The following CD5 variants were observed in gnomAD, a reference collection of about 807,000 sequenced individuals.
The protein encoded by CD5 is CD5 molecule.
In CD5, 36 loss-of-function variants were observed where a neutral mutation model predicts 60.3. The observed-to-expected ratio is 0.60, with a 90% CI of 0.46 to 0.79. The LOEUF (loss-of-function observed/expected upper bound fraction) is 0.79. Among genes scored for constraint, CD5 ranks in the 30% least tolerant of loss-of-function variants. The pLI, the probability that CD5 is intolerant of heterozygous loss-of-function variation, is 0.00. For missense variants in CD5, 540 were observed against 630.6 expected (o/e 0.86, Z 1.54); for synonymous variants, 230 against 257.6 (o/e 0.89, Z 1.03).
chr11:61,095,368 G>A, the CD5 span, among the ~76,000 whole-genome samples: 23 of 152,292 alleles, frequency 1.5e-4, no homozygotes, highest in African/African-American at 4.1e-4. Context: ...GTGGAAAGGC[G>A]TGCCTTTGTG....
the CD5 span, among the ~76,000 whole-genome samples, chr11:61,095,475 A>G: frequency 2.0e-5 from 3 of 152,320 alleles, no homozygotes; most frequent in East Asian, 5.8e-4. Flanking sequence ...GCTCCAAACT[A>G]TTATACAGAC....
At chr11:61,117,029 T>C (rs1159319936) in intron 2 of CD5, among the ~76,000 whole-genome samples, 1 of 152,186 alleles carries the variant, frequency 6.6e-6, no homozygotes. Context: ...CACAAAGACC[T>C]GTATGTGAAT....
At position 61,123,136 on chromosome 11, in the gene CD5, C is replaced by T. The variant is rs11230602; in HGVS notation, c.1225+104C>T. The T allele has an allele frequency of 0.012, 15,380 of 1,315,652 alleles. 1,419 individuals are homozygous for T. In the African/African-American group the frequency reaches 0.2, roughly 17 times the overall value. The allele number at this position is 1,315,652 out of a possible 1,614,324, so 81.5% of individuals were successfully genotyped here. ...GGTCATGCCTCCAGAGAGCTGGGCACGCAGGACACCTCTGCTTCACCACCC... is the reference window on the plus strand; with the variant it reads ...GGTCATGCCTCCAGAGAGCTGGGCATGCAGGACACCTCTGCTTCACCACCC... On this transcript the variant is annotated intron_variant, in intron 7 of 10. Coordinates refer to ENST00000347785, the MANE Select transcript of CD5 (RefSeq NM_014207.4).
At chr11:61,108,387 G>A (rs574669179) in intron 1 of CD5, among the ~76,000 whole-genome samples, 6 of 152,270 alleles carry the variant, frequency 3.9e-5, no homozygotes, top group East Asian at 1.9e-4. Flanking sequence ...TCCTTCCTGC[G>A]GGCTCCATTC....
intron 1 of CD5, 60 bp from the exon 2 acceptor site, chr11:61,114,996 T>C: frequency 8.6e-6 from 13 of 1,507,204 alleles, no homozygotes; most frequent in African/African-American, 1.4e-5. Flanking sequence ...GTGGGTGAGC[T>C]GGGGAGAAGG....
At chr11:61,095,481 C>A in the CD5 span, among the ~76,000 whole-genome samples, 1 of 152,216 alleles carries the variant, frequency 6.6e-6, no homozygotes, top group Non-Finnish European at 1.5e-5. Flanking sequence ...AACTATTATA[C>A]AGACTCATAA....
chr11:61,100,647 T>TCA (rs1860660266), upstream of CD5, among the ~76,000 whole-genome samples: 1 of 73,666 alleles, frequency 1.4e-5, no homozygotes, highest in Non-Finnish European at 2.4e-5. Flanking sequence ...AACATGGAGA[T>TCA]TACACACACA....
intron 8 of CD5, 97 bp from the exon 9 acceptor site, chr11:61,124,935 A>G: frequency 6.8e-7 from 1 of 1,481,180 alleles, no homozygotes; most frequent in South Asian, 1.2e-5. Flanking sequence ...CCCCGCTAAC[A>G]TCATGGGAAT....
intron 5 of CD5, among the ~76,000 whole-genome samples, chr11:61,120,178 T>A (rs1861036549): frequency 6.6e-6 from 1 of 152,110 alleles, no homozygotes; most frequent in Admixed American, 6.5e-5. Flanking sequence ...ACTGAGTCTG[T>A]GAGACCCCGG....
chr11:61,111,475 T>G (rs1489185566), intron 1 of CD5, among the ~76,000 whole-genome samples: 1 of 152,128 alleles, frequency 6.6e-6, no homozygotes, highest in Admixed American at 6.5e-5. Context: ...TGCTCAACAG[T>G]TGGCAGCTGC....
At chr11:61,117,817 A>T (rs572896587) in intron 2 of CD5, among the ~76,000 whole-genome samples, 1 of 152,234 alleles carries the variant, frequency 6.6e-6, no homozygotes, top group African/African-American at 2.4e-5. Context: ...ATTTTTAAAG[A>T]TCTCTTAAAA....
In CD5 at chr11:61,120,809, G is replaced by T. The variant is rs114221751; in HGVS notation, c.806-802G>T. Among the ~76,000 whole-genome samples, 763 of 152,352 alleles carry T rather than the reference G, an allele frequency of 5.0e-3. 5 individuals carry two copies. The highest frequency in any genetic ancestry group is 0.018 in the African/African-American group (743 of 41,582). On this transcript the variant is annotated intron_variant, in intron 5 of 10. Coordinates refer to ENST00000347785, the MANE Select transcript of CD5 (RefSeq NM_014207.4). ...TGGCCTGATGAGGAGAGCAGGGGCT[G>T]GCTCGCAGTCCCACCGGCCCCTCAG...
chr11:61,113,670 C>CT lies in CD5; in HGVS notation c.56-1376dup, dbSNP rs201460843. ...CCTTTCTTGCTCATTTCTTTCTTTC[C>CT]TTTTTTTTTTCTTGTAAAGACAGAA... On this transcript the variant is annotated intron_variant, in intron 1 of 10. Transcript: ENST00000347785. Among the ~76,000 whole-genome samples, 535 of 149,512 alleles carry CT rather than the reference C, an allele frequency of 3.6e-3. 5 individuals carry two copies. Among genetic ancestry groups the CT allele is most frequent in the African/African-American group, 4.5e-3 (185 of 40,860 alleles).
At chr11:61,104,413 T>C (rs1311925468) in intron 1 of CD5, among the ~76,000 whole-genome samples, 1 of 152,168 alleles carries the variant, frequency 6.6e-6, no homozygotes, top group African/African-American at 2.4e-5. Context: ...ACCCCCCACC[T>C]GCTCCTCACC....
upstream of CD5, among the ~76,000 whole-genome samples, chr11:61,099,682 A>C (rs62646343): frequency 0.32 from 45,587 of 144,438 alleles, 9,546 homozygotes; most frequent in African/African-American, 0.58. Context: ...ATGGAGATCA[A>C]ATTCACACAT....
intron 8 of CD5, 102 bp downstream of exon 8, chr11:61,124,039 T>C (rs1042366812): frequency 4.5e-5 from 41 of 901,148 alleles, no homozygotes; most frequent in Non-Finnish European, 6.3e-5. Flanking sequence ...CTGTGGCTGC[T>C]TGAAGCCTCT....
At chr11:61,100,916 G>T (rs1392699929), upstream of CD5, among the ~76,000 whole-genome samples, 1 of 137,524 alleles carries the variant, frequency 7.3e-6, no homozygotes, top group African/African-American at 2.8e-5. Flanking sequence ...CATCAACATG[G>T]AGATCACACA....
Position 61,118,544 on chromosome 11 carries a change from G to T in CD5, c.400+64G>T. The T allele has an allele frequency of 2.0e-6, 3 of 1,518,684 alleles. No homozygotes were observed. Among genetic ancestry groups the T allele is most frequent in the Non-Finnish European group, 2.7e-6 (3 of 1,112,072 alleles). 94.1% of individuals were successfully genotyped at this position (1,518,684 alleles called of 1,614,324 possible). A position where few individuals can be genotyped will look rare whatever the true frequency, so the allele number is the denominator to read the frequency against. ...GGCGCCAGCCCCGAGGAGACTGCCCGAGGCCTGTGATCTAGGGTCTGAGCA... is the reference window on the plus strand; with the variant it reads ...GGCGCCAGCCCCGAGGAGACTGCCCTAGGCCTGTGATCTAGGGTCTGAGCA... On this transcript the variant is annotated intron_variant, in intron 3 of 10. Coordinates refer to ENST00000347785, the MANE Select transcript of CD5 (RefSeq NM_014207.4). This position sits in a 1 kb window ranked among gnomAD's most constrained non-coding sequence, Gnocchi z 4.7.
upstream of CD5, among the ~76,000 whole-genome samples, chr11:61,100,287 C>T (rs1449150965): frequency 3.8e-4 from 49 of 128,236 alleles, no homozygotes; most frequent in African/African-American, 9.3e-4. Flanking sequence ...ACATGGAGAT[C>T]ACACATACAT....
Sources: gnomAD v4.1 joint callset for allele counts (sites outside exome capture counted in the v4.1 genomes callset) on GRCh38, gnomAD v4.1.1 for gene constraint, Gnocchi (gnomAD v3.1) non-coding constraint, MANE v1.5 for transcripts, NCBI Gene and HGNC (gene_info 2026-07-23, HGNC 2026-07-21) for gene names.